Variants in CELF2 observed in about 807,000 individuals in gnomAD.
The protein encoded by CELF2 is CUGBP Elav-like family member 2.
In CELF2, 8 loss-of-function variants were observed where a neutral mutation model predicts 62.6. The ratio of observed to expected loss-of-function variants is 0.13; its 90% CI spans 0.07 to 0.23. CELF2 has a LOEUF of 0.23. Among genes scored for constraint, CELF2 ranks in the 10% least tolerant of loss-of-function variants. CELF2 has a pLI of 1.00. For synonymous variants in CELF2, 258 were observed against 250.0 expected (o/e 1.03, Z -0.30); for missense variants, 333 against 671.0 (o/e 0.50, Z 5.56).
At chr10:10,690,597 T>C in the CELF2 span, among the ~76,000 whole-genome samples, 7 of 152,200 alleles carry the variant, frequency 4.6e-5, no homozygotes, top group African/African-American at 1.7e-4. Context: ...TACCAGCTCA[T>C]GGTTGGGCAC....
chr10:10,943,136 T>C (rs1050096660), intron 2 of CELF2, among the ~76,000 whole-genome samples: 1 of 152,232 alleles, frequency 6.6e-6, no homozygotes, highest in African/African-American at 2.4e-5. Context: ...AATCATTAAC[T>C]TTATTGTTGG....
the CELF2 span, among the ~76,000 whole-genome samples, chr10:10,582,482 G>C: frequency 1.3e-5 from 2 of 152,060 alleles, no homozygotes; most frequent in African/African-American, 4.8e-5. Context: ...TAGAGTCAAG[G>C]CTTCTCACTT....
chr10:10,609,035 A>G, the CELF2 span, among the ~76,000 whole-genome samples: 1 of 152,146 alleles, frequency 6.6e-6, no homozygotes, highest in South Asian at 2.1e-4. Flanking sequence ...TTGCAAACGT[A>G]ATCTTCTCTG....
rs1266221190 is a variant in CELF2, at chr10:11,280,194, G to A, written c.841+5074G>A. Among the ~76,000 whole-genome samples the A allele has an allele frequency of 6.6e-6, 1 of 152,166 alleles. No individual in the cohort carries two copies. Among genetic ancestry groups the A allele is most frequent in the Admixed American group, 6.5e-5 (1 of 15,286 alleles). ...TCAGAAAAGAGAGAGCGACAGAGGG[G>A]AACCAGAAAGAGGACTTCCGGATGA... On this transcript the variant is annotated intron_variant, in intron 8 of 12. Transcript: ENST00000633077. The surrounding 1 kb of genome is among the most constrained non-coding windows in gnomAD (Gnocchi z 7.6).
rs138447451 is a variant in CELF2, at chr10:11,024,688, C to G, written c.74+6525C>G. 4.3e-3 allele frequency among the ~76,000 whole-genome samples: 662 copies of G among 152,266 alleles called. 3 individuals carry two copies. The highest frequency in any genetic ancestry group is 0.013 in the African/African-American group (540 of 41,550). On this transcript the variant is annotated intron_variant, in intron 1 of 12. Coordinates refer to ENST00000633077, the MANE Select transcript of CELF2 (RefSeq NM_001326342.2). ...CTCCTCAGTGAGACTGTATGCAGTGCTCTCTGTCATAACCATGGAAATCCA... is the reference window on the plus strand; with the variant it reads ...CTCCTCAGTGAGACTGTATGCAGTGGTCTCTGTCATAACCATGGAAATCCA...
chr10:10,553,219 C>T, the CELF2 span, among the ~76,000 whole-genome samples: 2 of 152,130 alleles, frequency 1.3e-5, no homozygotes, highest in Non-Finnish European at 2.9e-5. Context: ...CTTTATAAAA[C>T]GGTCAGATCT....
the CELF2 span, among the ~76,000 whole-genome samples, chr10:10,625,552 C>G: frequency 1.3e-5 from 2 of 152,206 alleles, no homozygotes; most frequent in Admixed American, 1.3e-4. Context: ...CTTCAAATCT[C>G]GAAGCCCTGA....
intron 1 of CELF2, among the ~76,000 whole-genome samples, chr10:10,824,957 T>C (rs1338197027): frequency 6.6e-6 from 1 of 152,218 alleles, no homozygotes; most frequent in Non-Finnish European, 1.5e-5. Flanking sequence ...CCTTTGTGTT[T>C]GTCATTGTTT....
At chr10:10,964,070 T>C (rs2049853631) in intron 2 of CELF2, among the ~76,000 whole-genome samples, 1 of 152,210 alleles carries the variant, frequency 6.6e-6, no homozygotes, top group African/African-American at 2.4e-5. Context: ...AGTACAATAT[T>C]AGCATTATAA....
chr10:10,602,239 ATG>A, the CELF2 span, among the ~76,000 whole-genome samples: 1 of 152,010 alleles, frequency 6.6e-6, no homozygotes, highest in Non-Finnish European at 1.5e-5. Flanking sequence ...CTTTCTTCCT[ATG>A]AGTGGCAGCT....
chr10:10,606,289 G>A, the CELF2 span, among the ~76,000 whole-genome samples: 2 of 152,174 alleles, frequency 1.3e-5, no homozygotes, highest in Admixed American at 1.3e-4. Flanking sequence ...TCTTCCAGGA[G>A]ACCTTAGAAG....
At chr10:10,544,093 C>T in the CELF2 span, among the ~76,000 whole-genome samples, 4 of 152,170 alleles carry the variant, frequency 2.6e-5, no homozygotes, top group Non-Finnish European at 5.9e-5. Context: ...TAGAGGGATG[C>T]CAGCATTCCA....
chr10:10,967,848 C>T (rs557214595), intron 2 of CELF2, among the ~76,000 whole-genome samples: 23 of 152,174 alleles, frequency 1.5e-4, no homozygotes, highest in African/African-American at 5.5e-4. Flanking sequence ...GCCGAAGTGT[C>T]TTGGGACAAA....
At chr10:10,984,197 A>G (rs1216615486) in intron 2 of CELF2, among the ~76,000 whole-genome samples, 1 of 152,228 alleles carries the variant, frequency 6.6e-6, no homozygotes, top group Admixed American at 6.5e-5. Context: ...TTACTGAAGG[A>G]CACACAGAGG....
intron 9 of CELF2, among the ~76,000 whole-genome samples, chr10:11,313,031 G>C (rs888923587): frequency 1.3e-5 from 2 of 152,220 alleles, no homozygotes; most frequent in African/African-American, 4.8e-5. Context: ...TTATCAGGCT[G>C]TGTTGTTTTT....
At chr10:10,939,857 G>A (rs1282440872) in intron 2 of CELF2, among the ~76,000 whole-genome samples, 1 of 152,098 alleles carries the variant, frequency 6.6e-6, no homozygotes, top group African/African-American at 2.4e-5. Flanking sequence ...GGGAGGCTGA[G>A]GCAGGAGAAT....
intron 2 of CELF2, among the ~76,000 whole-genome samples, chr10:11,206,540 G>T (rs2060473321): frequency 6.6e-6 from 1 of 152,208 alleles, no homozygotes; most frequent in African/African-American, 2.4e-5. Flanking sequence ...AAGTGATCTT[G>T]GTTTGGTTAG....
chr10:10,598,629 A>G, the CELF2 span, among the ~76,000 whole-genome samples: 2 of 152,124 alleles, frequency 1.3e-5, no homozygotes, highest in Non-Finnish European at 2.9e-5. Context: ...GCCTATTCAG[A>G]GAACACTATT....
intron 2 of CELF2, among the ~76,000 whole-genome samples, chr10:11,173,544 C>T (rs899124419): frequency 6.6e-6 from 1 of 152,106 alleles, no homozygotes; most frequent in Admixed American, 6.5e-5. Flanking sequence ...TGAATAATTC[C>T]AACCATGGTG....
Sources: gnomAD v4.1 joint callset for allele counts (sites outside exome capture counted in the v4.1 genomes callset) on GRCh38, gnomAD v4.1.1 for gene constraint, Gnocchi (gnomAD v3.1) non-coding constraint, MANE v1.5 for transcripts, NCBI Gene and HGNC (gene_info 2026-07-23, HGNC 2026-07-21) for gene names.